SETBP1: variants seen among roughly 807,000 people sequenced by gnomAD.
SETBP1 encodes the protein SET-binding protein.
In SETBP1, 9 loss-of-function variants were observed where a neutral mutation model predicts 101.0. The ratio of observed to expected loss-of-function variants is 0.09; its 90% CI spans 0.05 to 0.16. SETBP1 has a LOEUF of 0.16. SETBP1 is among the 10% of genes least tolerant of loss of function. The pLI is 1.00. For missense variants in SETBP1, 1,858 were observed against 2,033.8 expected (o/e 0.91, Z 1.66); for synonymous variants, 818 against 788.5 (o/e 1.04, Z -0.63).
intron 2 of SETBP1, among the ~76,000 whole-genome samples, chr18:44,867,354 G>T (rs1427085167): frequency 6.6e-6 from 1 of 152,168 alleles, no homozygotes; most frequent in Non-Finnish European, 1.5e-5. Context: ...TCTTGCACCT[G>T]CTCCCACCTG....
chr18:45,033,331 T>G (rs2073335318), intron 4 of SETBP1, among the ~76,000 whole-genome samples: 1 of 152,226 alleles, frequency 6.6e-6, no homozygotes, highest in Admixed American at 6.5e-5. Context: ...ATATGATATG[T>G]GAGCTTGGGC....
intron 2 of SETBP1, among the ~76,000 whole-genome samples, chr18:44,851,217 G>T (rs1233828963): frequency 6.6e-6 from 1 of 152,172 alleles, no homozygotes; most frequent in Non-Finnish European, 1.5e-5. Context: ...TAAATAAGTG[G>T]CATAGATAGA....
intron 2 of SETBP1, among the ~76,000 whole-genome samples, chr18:44,773,641 T>C (rs775191426): frequency 1.3e-5 from 2 of 152,144 alleles, no homozygotes; most frequent in African/African-American, 4.8e-5. Context: ...TATTCCCAAC[T>C]GATGGAAAAT....
intron 3 of SETBP1, among the ~76,000 whole-genome samples, chr18:44,908,818 T>G (rs2070238133): frequency 6.6e-6 from 1 of 152,216 alleles, no homozygotes; most frequent in South Asian, 2.1e-4. Flanking sequence ...TCCTGTAGAG[T>G]ACTTGTGAAG....
At chr18:45,022,861 C>T (rs774984948) in intron 4 of SETBP1, among the ~76,000 whole-genome samples, 3 of 152,124 alleles carry the variant, frequency 2.0e-5, no homozygotes, top group Admixed American at 1.3e-4. Flanking sequence ...ATAAAATTAG[C>T]ATTTACATGT....
chr18:44,792,566 C>T (rs551241566), intron 2 of SETBP1, among the ~76,000 whole-genome samples: 9 of 152,202 alleles, frequency 5.9e-5, no homozygotes, highest in African/African-American at 1.9e-4. Context: ...TGCCCACCAC[C>T]GCCTGGAGTA....
chr18:44,774,751 C>A (rs1479470912), intron 2 of SETBP1, among the ~76,000 whole-genome samples: 1 of 152,174 alleles, frequency 6.6e-6, no homozygotes, highest in East Asian at 1.9e-4. Flanking sequence ...CTGGAAGGGT[C>A]CTAGCCAGGA....
intron 2 of SETBP1, among the ~76,000 whole-genome samples, chr18:44,734,926 T>C (rs1450157192): frequency 1.3e-5 from 2 of 152,238 alleles, no homozygotes; most frequent in African/African-American, 2.4e-5. Context: ...TAAATACAAA[T>C]TGACTCTATA....
chr18:44,734,591 T>G (rs747416982), intron 2 of SETBP1, among the ~76,000 whole-genome samples: 16 of 152,172 alleles, frequency 1.1e-4, no homozygotes, highest in Non-Finnish European at 1.3e-4. Flanking sequence ...CATACTTCTG[T>G]TTACATTGCT....
At chr18:44,722,715 T>A (rs1294955920) in intron 2 of SETBP1, among the ~76,000 whole-genome samples, 4 of 152,208 alleles carry the variant, frequency 2.6e-5, no homozygotes, top group Admixed American at 6.5e-5. Context: ...TATTGGGTTC[T>A]GATGGTCACT....
chr18:44,852,264 G>T (rs1274344292), intron 2 of SETBP1, among the ~76,000 whole-genome samples: 1 of 152,182 alleles, frequency 6.6e-6, no homozygotes, highest in African/African-American at 2.4e-5. Flanking sequence ...GGAAACTAAG[G>T]CAACTTGCAT....
chr18:44,938,296 T>C (rs2071009219), intron 3 of SETBP1, among the ~76,000 whole-genome samples: 2 of 152,216 alleles, frequency 1.3e-5, no homozygotes, highest in Non-Finnish European at 2.9e-5. Flanking sequence ...CCACTGCCGA[T>C]GTTATTAATT....
intron 2 of SETBP1, among the ~76,000 whole-genome samples, chr18:44,780,824 TG>T (rs1404614877): frequency 6.6e-6 from 1 of 152,096 alleles, no homozygotes; most frequent in Non-Finnish European, 1.5e-5. Context: ...GGCTGTCACT[TG>T]GTATTGGGGG....
At chr18:44,869,477 C>A in intron 3 of SETBP1, 194 bp downstream of exon 3, 1 of 641,332 alleles carries the variant, frequency 1.6e-6, no homozygotes, top group Non-Finnish European at 2.8e-6. Context: ...GACAAAACCA[C>A]CTCTTTCTGC....
chr18:44,964,560 A>G (rs1226887041), intron 4 of SETBP1, among the ~76,000 whole-genome samples: 3 of 151,808 alleles, frequency 2.0e-5, no homozygotes, highest in Non-Finnish European at 2.9e-5. Flanking sequence ...AACCTATAAC[A>G]TGGAATTATT....
chr18:45,037,195 A>G (rs16978254), intron 4 of SETBP1, among the ~76,000 whole-genome samples: 3,707 of 152,268 alleles, frequency 0.024, 160 homozygotes, highest in African/African-American at 0.084. Flanking sequence ...TAGCCTGCAG[A>G]TGAAGAAACT....
At chr18:44,962,026 G>C (rs1460265392) in intron 4 of SETBP1, among the ~76,000 whole-genome samples, 1 of 152,118 alleles carries the variant, frequency 6.6e-6, no homozygotes, top group Non-Finnish European at 1.5e-5. Flanking sequence ...AGAGGTCTTT[G>C]GTCACCCAGC....
At chr18:44,774,617 G>A (rs563597696) in intron 2 of SETBP1, among the ~76,000 whole-genome samples, 1 of 152,164 alleles carries the variant, frequency 6.6e-6, no homozygotes, top group South Asian at 2.1e-4. Context: ...TTGTGGATAG[G>A]GTGCGAGCAC....
intron 2 of SETBP1, among the ~76,000 whole-genome samples, chr18:44,828,213 C>A (rs1418692113): frequency 6.6e-6 from 1 of 152,098 alleles, no homozygotes; most frequent in Admixed American, 6.6e-5. Context: ...ATTTATGTAG[C>A]TGATTGTTCT....
Sources: allele counts gnomAD v4.1 joint callset (sites outside exome capture counted in the v4.1 genomes callset), GRCh38; gene constraint gnomAD v4.1.1; transcripts MANE v1.5; gene names NCBI Gene and HGNC (gene_info 2026-07-23, HGNC 2026-07-21).